ITM2A: variants seen among roughly 807,000 people sequenced by gnomAD.
ITM2A encodes BRICHOS domain containing 2A.
A neutral mutation model predicts 16.6 loss-of-function variants in ITM2A; 11 were observed. The observed-to-expected ratio is 0.66, with a 90% CI of 0.42 to 1.10. The LOEUF (loss-of-function observed/expected upper bound fraction) is 1.10, where lower values mean the gene tolerates loss of function less well. ITM2A is among the 50% of genes least tolerant of loss of function. The probability of loss-of-function intolerance (pLI) is 0.00; values close to 1 mark genes in which losing one functional copy is unlikely to be tolerated. For missense variants in ITM2A, 243 were observed against 206.8 expected (o/e 1.17, Z -1.07); for synonymous variants, 102 against 71.2 (o/e 1.43, Z -2.18).
chrX:79,361,261 T>A (rs1925406281), intron 5 of ITM2A, 68 bp downstream of exon 5: 1 of 1,123,425 alleles, frequency 8.9e-7, no homozygotes, highest in Non-Finnish European at 1.2e-6. Context: ...CACTTTTTCC[T>A]GTATTCTACC....
At chrX:79,363,702 A>G (rs145573290) in intron 1 of ITM2A, 148 bp from the exon 2 acceptor site, 8,151 of 343,115 alleles carry the variant, frequency 0.024, 127 homozygotes, top group South Asian at 0.14. Flanking sequence ...TTATTTCAAG[A>G]CAATTTCTGA....
At chrX:79,363,245 G>A (rs1464978153) in intron 2 of ITM2A, 106 bp from the exon 3 acceptor site, 10 of 784,299 alleles carry the variant, frequency 1.3e-5, no homozygotes, top group Non-Finnish European at 1.7e-5. Context: ...GTTAAGCCGA[G>A]GCTTGTTGAC....
At chrX:79,367,009 C>G (rs750099133) in intron 1 of ITM2A, 96 bp downstream of exon 1, 1 of 590,985 alleles carries the variant, frequency 1.7e-6, no homozygotes, top group South Asian at 2.9e-5. Flanking sequence ...GTAAGAGGAG[C>G]AAGAGGGGCC....
Position 79,362,709 on chromosome X carries a change from A to C in ITM2A, c.442-18T>G. ...GTCATTCCCTGTTAGGTAGGGGAAAAAAGTCAGGTAAGACACAGAAGGCAT... is the reference window on the plus strand; with the variant it reads ...GTCATTCCCTGTTAGGTAGGGGAAACAAGTCAGGTAAGACACAGAAGGCAT... On this transcript the variant is annotated intron_variant, in intron 3 of 5. Transcript: ENST00000373298. 1 of 1,089,657 alleles carries C rather than the reference A, an allele frequency of 9.2e-7. No homozygotes were observed. The highest frequency in any genetic ancestry group is 1.3e-6 in the Non-Finnish European group (1 of 790,783). 89.8% of individuals were successfully genotyped at this position (1,089,657 alleles called of 1,213,427 possible).
At position 79,367,136 on chromosome X, in the gene ITM2A, C is replaced by A; in HGVS notation, c.80G>T (p.Arg27Leu). 2.5e-6 allele frequency: 3 copies of A among 1,206,212 alleles called. No homozygotes were observed. The highest frequency in any genetic ancestry group is 2.2e-6 in the Non-Finnish European group (2 of 892,384). ...ARQDVEALLS[R>L]TVRTQILTGK... ...GGTCAGTATCTGAGTTCTGACCGTG[C>A]GGCTCAGGAGGGCCTCCACGTCTTG... is the stretch of plus-strand genomic sequence containing the variant. The change falls in exon 1 of 6, where the codon CGC becomes CTC. Residue 27 changes from arginine (R) to leucine (L), a missense_variant. Transcript: ENST00000373298.
In ITM2A at chrX:79,367,019, C is replaced by A; in HGVS notation, c.111+86G>T. The stretch of plus-strand genomic sequence containing the variant: ...ACAGCGTAAGAGGAGCAAGAGGGGC[C>A]CTCCCAGGGAAGCTACATTTTCTCC... On this transcript the variant is annotated intron_variant, in intron 1 of 5. Transcript: ENST00000373298. The A allele has an allele frequency of 4.2e-5, 27 of 637,435 alleles. No individual in the cohort carries two copies. In the South Asian group the frequency reaches 6.9e-4, roughly 16 times the overall value. The allele number at this position is 637,435 out of a possible 1,213,427, so 52.5% of individuals were successfully genotyped here.
At chrX:79,367,043 C>T in intron 1 of ITM2A, 62 bp downstream of exon 1, 1 of 813,491 alleles carries the variant, frequency 1.2e-6, no homozygotes, top group East Asian at 3.5e-5. Context: ...TACATTTTCT[C>T]CTCTGCTACC....
chrX:79,362,953 CA>C lies in ITM2A; in HGVS notation c.429del (p.His143GlnfsTer7). 1 of 1,199,691 alleles carries C rather than the reference CA, an allele frequency of 8.3e-7. No individual in the cohort carries two copies. Among genetic ancestry groups the C allele is most frequent in the Non-Finnish European group, 1.1e-6 (1 of 884,790 alleles). On this transcript the variant is annotated frameshift_variant, in exon 3 of 6. Transcript: ENST00000373298. LOFTEE classifies it high-confidence loss of function. ...FSDSDPAAIIHDFEKGMTAYL... is the reference protein window; with the variant it reads ...FSDSDPAAIIXDFEKGMTAYL... ...AATGAGAAGCCCACCTTTTCAAAGT[CA>C]TGAATAATTGCTGCAGGGTCACTAT...
intron 1 of ITM2A, among the ~76,000 whole-genome samples, chrX:79,365,297 A>G (rs911390136): frequency 9.0e-6 from 1 of 111,564 alleles, no homozygotes; most frequent in Non-Finnish European, 1.9e-5. Context: ...AGAAATAAGG[A>G]TTTTTTGTTT....
intron 1 of ITM2A, among the ~76,000 whole-genome samples, chrX:79,366,289 T>C (rs955324279): frequency 2.7e-5 from 3 of 111,322 alleles, no homozygotes; most frequent in African/African-American, 9.8e-5. Context: ...GATCTCTAAA[T>C]AGAGGGAAGG....
chrX:79,364,521 C>A (rs1049933027), intron 1 of ITM2A, among the ~76,000 whole-genome samples: 1 of 112,169 alleles, frequency 8.9e-6, no homozygotes, highest in Non-Finnish European at 1.9e-5. Flanking sequence ...CTTTCTAATC[C>A]CATTTTTGTA....
Position 79,367,110 on chromosome X carries a change from C to A in ITM2A, c.106G>T (p.Gly36Cys). Residue 36 changes from glycine to cysteine, a missense_variant, in exon 1 of 6, where the codon GGC (glycine) becomes TGC (cysteine). Coordinates refer to ENST00000373298, the MANE Select transcript of ITM2A (RefSeq NM_004867.5). ...TCCCGCCCTGGGACAGCTACCTTGC[C>A]GGTCAGTATCTGAGTTCTGACCGTG... is the stretch of plus-strand genomic sequence containing the variant. ...SRTVRTQILT[G>C]KELRVATQEK... The A allele has an allele frequency of 8.4e-7, 1 of 1,191,252 alleles. No homozygotes were observed.
At chrX:79,363,845 C>T (rs1379867865) in intron 1 of ITM2A, among the ~76,000 whole-genome samples, 1 of 111,639 alleles carries the variant, frequency 9.0e-6, no homozygotes, top group African/African-American at 3.3e-5. Context: ...TTTATTTATG[C>T]AATGTCATAT....
In ITM2A at chrX:79,361,177, C is replaced by A; in HGVS notation, c.704G>T (p.Gly235Val). 1 of 1,189,032 alleles carries A rather than the reference C, an allele frequency of 8.4e-7. No homozygotes were observed. The highest frequency in any genetic ancestry group is 1.1e-6 in the Non-Finnish European group (1 of 878,939). ...TTTATCAATGGCACGTTTGTTGAAA[C>A]CTGTAAGGAAATGTGCAAAAAAAGT... ...FRLRRRDLLL[G>V]FNKRAIDKCW... Residue 235 changes from glycine (G) to valine (V), a missense_variant and splice_region_variant, in exon 6 of 6, where the codon GGT (glycine) becomes GTT (valine). Gly to Val is a moderately radical substitution (Grantham distance 109). Transcript: ENST00000373298.
intron 1 of ITM2A, among the ~76,000 whole-genome samples, chrX:79,366,083 T>A (rs1331910583): frequency 8.9e-6 from 1 of 111,927 alleles, no homozygotes; most frequent in African/African-American, 3.2e-5. Flanking sequence ...CCAGATTTCA[T>A]AGAACACGAA....
At chrX:79,363,375 C>T (rs746097902) in intron 2 of ITM2A, 48 bp downstream of exon 2, 1 of 994,428 alleles carries the variant, frequency 1.0e-6, no homozygotes, top group Non-Finnish European at 1.3e-6. Flanking sequence ...TACTAAATGT[C>T]TAGCAAGTAG....
rs898457667 is a variant in ITM2A, at chrX:79,367,302, C to G, written c.-87G>C. ...CAAGAGGAGATCCTGTTAGCCCAAA[C>G]AGCACTTACTTTATCTTCAGTCTAA... On this transcript the variant is annotated 5_prime_UTR_variant, in exon 1 of 6. Coordinates refer to ENST00000373298, the MANE Select transcript of ITM2A (RefSeq NM_004867.5). The G allele has an allele frequency of 2.8e-5, 16 of 566,383 alleles. No individual in the cohort carries two copies. The highest frequency in any genetic ancestry group is 4.2e-5 in the Non-Finnish European group (15 of 353,333). 46.7% of individuals were successfully genotyped at this position (566,383 alleles called of 1,213,427 possible). A position where few individuals can be genotyped will look rare whatever the true frequency, so the allele number is the denominator to read the frequency against.
chrX:79,363,389 T>A (rs1434192326), intron 2 of ITM2A, 34 bp downstream of exon 2: 3 of 1,041,647 alleles, frequency 2.9e-6, no homozygotes, highest in Admixed American at 7.3e-5. Context: ...CAAGTAGTAA[T>A]CCAAAGTATA....
intron 1 of ITM2A, among the ~76,000 whole-genome samples, chrX:79,365,336 G>A (rs1925541929): frequency 9.0e-6 from 1 of 111,277 alleles, no homozygotes; most frequent in Non-Finnish European, 1.9e-5. Flanking sequence ...CTTTAGGTTG[G>A]TGTGAGCCAT....
Sources: allele counts gnomAD v4.1 joint callset (sites outside exome capture counted in the v4.1 genomes callset), GRCh38; gene constraint gnomAD v4.1.1; transcripts MANE v1.5; gene names NCBI Gene and HGNC (gene_info 2026-07-23, HGNC 2026-07-21).